Variants in RXRA observed in about 807,000 individuals in gnomAD.
RXRA encodes the protein retinoid X receptor alpha.
In RXRA, 5 loss-of-function variants were observed where a neutral mutation model predicts 44.5. The ratio of observed to expected loss-of-function variants is 0.11; its 90% confidence interval spans 0.06 to 0.24. The LOEUF (loss-of-function observed/expected upper bound fraction) is 0.24. Ranked by LOEUF, RXRA falls within the 10% of genes least tolerant of loss-of-function variation. The pLI, the probability that RXRA is intolerant of heterozygous loss-of-function variation, is 1.00. For synonymous variants in RXRA, 291 were observed against 271.4 expected (o/e 1.07, Z -0.71); for missense variants, 412 against 646.5 (o/e 0.64, Z 3.93).
At chr9:134,362,011 G>A (rs1048931876) in intron 1 of RXRA, among the ~76,000 whole-genome samples, 10 of 152,192 alleles carry the variant, frequency 6.6e-5, no homozygotes, top group Non-Finnish European at 1.5e-4. Context: ...TGGCAGGGCT[G>A]CCATTGGTGG....
At chr9:134,424,891 C>T (rs1831407058) in intron 6 of RXRA, 1 of 985,328 alleles carries the variant, frequency 1.0e-6, no homozygotes. Context: ...AGAGGTGAGG[C>T]CCCGCCCAGC....
At chr9:134,413,500 G>A (rs959058494) in intron 4 of RXRA, among the ~76,000 whole-genome samples, 11 of 152,164 alleles carry the variant, frequency 7.2e-5, no homozygotes, top group African/African-American at 2.7e-4. Context: ...GGCCTCTGGC[G>A]CTGCTCTCTG....
intron 1 of RXRA, among the ~76,000 whole-genome samples, chr9:134,335,545 G>T (rs1467239253): frequency 6.6e-6 from 1 of 152,190 alleles, no homozygotes; most frequent in African/African-American, 2.4e-5. Flanking sequence ...AGGCTCCTCT[G>T]GCCTGCCCCT....
Position 134,409,190 on chromosome 9 carries a change from A to G in RXRA, c.610+71A>G, listed in dbSNP as rs1033004568. 10 of 1,403,396 alleles carry G rather than the reference A, an allele frequency of 7.1e-6. No homozygotes were observed. The African/African-American group carries it at 1.2e-4, about 16-fold the overall frequency. 86.9% of individuals were successfully genotyped at this position (1,403,396 alleles called of 1,614,324 possible). A position where few individuals can be genotyped will look rare whatever the true frequency, so the allele number is the denominator to read the frequency against. On this transcript the variant is annotated intron_variant, in intron 4 of 9. Coordinates refer to ENST00000481739, the MANE Select transcript of RXRA (RefSeq NM_002957.6). ...CAGTGGGGCCCGGGCTTGTGCGTGGACACCCGAGATGGACAACAGGGAGTG... is the reference window on the plus strand; with the variant it reads ...CAGTGGGGCCCGGGCTTGTGCGTGGGCACCCGAGATGGACAACAGGGAGTG...
intron 4 of RXRA, among the ~76,000 whole-genome samples, chr9:134,410,786 G>A (rs1475624942): frequency 6.6e-6 from 1 of 152,222 alleles, no homozygotes; most frequent in Non-Finnish European, 1.5e-5. Flanking sequence ...TGGTTTAGCC[G>A]AGACCACTCT....
chr9:134,401,592 A>G (rs553779087), intron 1 of RXRA, 40 bp from the exon 2 acceptor site: 47 of 1,611,110 alleles, frequency 2.9e-5, no homozygotes, highest in Non-Finnish European at 3.9e-5. Flanking sequence ...GCCTGGAGTC[A>G]CCTGCACTGA....
chr9:134,360,276 C>CA (rs1373023088), intron 1 of RXRA, among the ~76,000 whole-genome samples: 1 of 152,172 alleles, frequency 6.6e-6, no homozygotes, highest in African/African-American at 2.4e-5. Flanking sequence ...GAGCCGGTGA[C>CA]AGGCTGCGGA....
chr9:134,336,393 A>T (rs949959061), intron 1 of RXRA, among the ~76,000 whole-genome samples: 6 of 152,280 alleles, frequency 3.9e-5, no homozygotes, highest in African/African-American at 1.4e-4. Flanking sequence ...GGCCTGGGCA[A>T]TGGCATGCTC....
chr9:134,376,817 G>C (rs952118013), intron 1 of RXRA, among the ~76,000 whole-genome samples: 1 of 152,238 alleles, frequency 6.6e-6, no homozygotes, highest in Non-Finnish European at 1.5e-5. Context: ...GATCTGGCTG[G>C]GCCTGCAGGC....
At chr9:134,389,883 G>A (rs1378567364) in intron 1 of RXRA, among the ~76,000 whole-genome samples, 9 of 152,182 alleles carry the variant, frequency 5.9e-5, no homozygotes, top group Non-Finnish European at 1.2e-4. Flanking sequence ...CTGCAGCCCC[G>A]TCTCAGGTTC....
At chr9:134,362,109 C>T (rs1047706903) in intron 1 of RXRA, among the ~76,000 whole-genome samples, 1 of 152,186 alleles carries the variant, frequency 6.6e-6, no homozygotes, top group Non-Finnish European at 1.5e-5. Context: ...GGACTGCCTG[C>T]TGGCTCTGCC....
chr9:134,423,062 G>A (rs1381465113), intron 6 of RXRA: 3 of 985,380 alleles, frequency 3.0e-6, no homozygotes, highest in Non-Finnish European at 2.4e-6. Context: ...TTTGGGGTCA[G>A]GTTGGCAGTG....
intron 1 of RXRA, among the ~76,000 whole-genome samples, chr9:134,345,328 A>G (rs1344222335): frequency 1.3e-5 from 2 of 152,274 alleles, no homozygotes; most frequent in East Asian, 3.9e-4. Flanking sequence ...GGAGGTGGAA[A>G]GTTTGGGCCA....
chr9:134,328,199 C>T (rs1376497161), intron 1 of RXRA, among the ~76,000 whole-genome samples: 6 of 152,204 alleles, frequency 3.9e-5, no homozygotes, highest in Non-Finnish European at 8.8e-5. Context: ...CTCTCCCAGA[C>T]GATTCCTCTG....
chr9:134,375,567 C>T (rs982968374), intron 1 of RXRA, among the ~76,000 whole-genome samples: 15 of 152,210 alleles, frequency 9.9e-5, no homozygotes, highest in South Asian at 8.3e-4. Flanking sequence ...ATCGGCCTGG[C>T]GGGAGAGCTG....
chr9:134,360,975 T>C (rs1830343890), intron 1 of RXRA, among the ~76,000 whole-genome samples: 1 of 152,166 alleles, frequency 6.6e-6, no homozygotes, highest in African/African-American at 2.4e-5. Flanking sequence ...GGCTTGGGGT[T>C]CAGTAATCCA....
chr9:134,404,515 C>T (rs1023201628), intron 2 of RXRA: 2 of 152,332 alleles, frequency 1.3e-5, no homozygotes, highest in African/African-American at 4.8e-5. Context: ...AGCTTCCACA[C>T]AGCACTTCTG....
In RXRA at chr9:134,437,411, G is replaced by A. The variant is rs1209565317; in HGVS notation, c.*797G>A. 3.3e-5 allele frequency: 5 copies of A among 152,570 alleles called. No individual in the cohort carries two copies. Among genetic ancestry groups the A allele is most frequent in the South Asian group, 2.1e-4 (1 of 4,828 alleles). The allele number at this position is 152,570 out of a possible 1,614,324, so 9.5% of individuals were successfully genotyped here. On this transcript the variant is annotated 3_prime_UTR_variant, in exon 10 of 10. Transcript: ENST00000481739. ...CTCCCCGTTCAGACCAGAGTGCCCCGGCCCCTCCCCAGCCTGAGTCTTCTC... is the reference window on the plus strand; with the variant it reads ...CTCCCCGTTCAGACCAGAGTGCCCCAGCCCCTCCCCAGCCTGAGTCTTCTC...
chr9:134,351,022 A>G (rs1554749386), intron 1 of RXRA, among the ~76,000 whole-genome samples: 1 of 152,162 alleles, frequency 6.6e-6, no homozygotes, highest in African/African-American at 2.4e-5. Context: ...CTTTCCTATA[A>G]CATGGAGCAC....
Sources: allele counts gnomAD v4.1 joint callset (sites outside exome capture counted in the v4.1 genomes callset), GRCh38; gene constraint gnomAD v4.1.1; transcripts MANE v1.5; gene names NCBI Gene and HGNC (gene_info 2026-07-23, HGNC 2026-07-21).